The following TAFA2 variants were observed in gnomAD, a reference collection of about 807,000 sequenced individuals.
The protein encoded by TAFA2 is chemokine-like protein TAFA-2.
TAFA2 carries 7 observed loss-of-function variants against 18.8 expected under a neutral mutation model. The observed-to-expected ratio is 0.37, with a 90% confidence interval of 0.21 to 0.70. The LOEUF (loss-of-function observed/expected upper bound fraction) is 0.70, where lower values mean the gene tolerates loss of function less well. Among genes scored for constraint, TAFA2 ranks in the 30% least tolerant of loss-of-function variants. The pLI is 0.53. For synonymous variants in TAFA2, 60 were observed against 54.2 expected (o/e 1.11, Z -0.47); for missense variants, 122 against 158.1 (o/e 0.77, Z 1.23).
chr12:62,240,087 T>A (rs1565786444), intron 1 of TAFA2, among the ~76,000 whole-genome samples: 1 of 150,874 alleles, frequency 6.6e-6, no homozygotes, highest in Non-Finnish European at 1.5e-5. Context: ...TTATCGTACA[T>A]AAATATATAC....
chr12:62,249,826 G>A (rs1381244648), intron 1 of TAFA2, among the ~76,000 whole-genome samples: 4 of 152,112 alleles, frequency 2.6e-5, no homozygotes, highest in Non-Finnish European at 5.9e-5. Context: ...TCTCTAAACA[G>A]GAGATTCAGA....
chr12:62,121,418 A>G (rs566352602), intron 1 of TAFA2, among the ~76,000 whole-genome samples: 2 of 152,200 alleles, frequency 1.3e-5, no homozygotes, highest in East Asian at 1.9e-4. Context: ...CAGTGATTCA[A>G]CTTTACTGAG....
At chr12:62,209,578 A>G (rs1592401885) in intron 1 of TAFA2, among the ~76,000 whole-genome samples, 1 of 152,346 alleles carries the variant, frequency 6.6e-6, no homozygotes, top group South Asian at 2.1e-4. Flanking sequence ...ACCATTCTTA[A>G]GAGGAGCTTA....
At chr12:62,099,731 A>G (rs1177759330) in intron 1 of TAFA2, among the ~76,000 whole-genome samples, 3 of 152,120 alleles carry the variant, frequency 2.0e-5, no homozygotes, top group African/African-American at 7.2e-5. Flanking sequence ...TGCACTTCAC[A>G]TATATGATGT....
intron 1 of TAFA2, among the ~76,000 whole-genome samples, chr12:62,135,089 A>G (rs182979727): frequency 1.3e-5 from 2 of 152,222 alleles, no homozygotes; most frequent in Non-Finnish European, 2.9e-5. Flanking sequence ...CACAAGTACT[A>G]TAATAATTAC....
At chr12:62,190,115 A>G (rs78542629) in intron 1 of TAFA2, among the ~76,000 whole-genome samples, 1,541 of 152,224 alleles carry the variant, frequency 0.01, 21 homozygotes, top group African/African-American at 0.03. Context: ...AAAGGTGAAG[A>G]GAGACTAGCC....
intron 1 of TAFA2, among the ~76,000 whole-genome samples, chr12:61,896,229 A>C (rs1875837408): frequency 6.6e-6 from 1 of 152,218 alleles, no homozygotes; most frequent in African/African-American, 2.4e-5. Context: ...GCCAAAGCTA[A>C]GTATGAGGTT....
intron 1 of TAFA2, among the ~76,000 whole-genome samples, chr12:62,118,355 C>G (rs567530343): frequency 1.3e-5 from 2 of 152,046 alleles, no homozygotes; most frequent in African/African-American, 4.8e-5. Context: ...GAATATACCA[C>G]AGTTTATTCA....
At chr12:61,855,997 C>G (rs1472405337) in intron 2 of TAFA2, among the ~76,000 whole-genome samples, 1 of 151,976 alleles carries the variant, frequency 6.6e-6, no homozygotes, top group East Asian at 1.9e-4. Flanking sequence ...TTAAAAGACA[C>G]AAAGACACAA....
At chr12:61,981,064 A>G (rs927480863) in intron 1 of TAFA2, among the ~76,000 whole-genome samples, 4 of 152,208 alleles carry the variant, frequency 2.6e-5, no homozygotes, top group Non-Finnish European at 5.9e-5. Flanking sequence ...ACTACACTAC[A>G]AGGCTACAGT....
chr12:62,109,666 TGTA>T (rs1222255679), intron 1 of TAFA2, among the ~76,000 whole-genome samples: 1 of 152,236 alleles, frequency 6.6e-6, no homozygotes, highest in Non-Finnish European at 1.5e-5. Flanking sequence ...AGCAATGGTT[TGTA>T]GTTCTCCTCA....
rs182355317 is a variant in TAFA2 at position 61,877,015 on chromosome 12, C to T, written c.-1-9589G>A. 5.5e-4 allele frequency among the ~76,000 whole-genome samples: 83 copies of T among 152,270 alleles called. No individual in the cohort carries two copies. The East Asian group carries it at 0.015, about 28-fold the overall frequency. ...ACATTACTTCATATACTTTAACGAG[C>T]TGTCTTTGAGGGAAAGGTAGAACAT... is the stretch of plus-strand genomic sequence containing the variant. On this transcript the variant is annotated intron_variant, in intron 1 of 4. Transcript: ENST00000416284.
intron 1 of TAFA2, among the ~76,000 whole-genome samples, chr12:62,130,336 C>T (rs1386401969): frequency 1.3e-5 from 2 of 151,702 alleles, no homozygotes; most frequent in Admixed American, 6.6e-5. Flanking sequence ...TATGAAGGAA[C>T]AAATTTTGCA....
intron 1 of TAFA2, among the ~76,000 whole-genome samples, chr12:62,035,203 G>A (rs1161224790): frequency 6.6e-6 from 1 of 152,148 alleles, no homozygotes; most frequent in Non-Finnish European, 1.5e-5. Context: ...CTGATTCATT[G>A]AAGAGAGATT....
At chr12:61,890,204 G>A (rs958487120) in intron 1 of TAFA2, 3 of 152,262 alleles carry the variant, frequency 2.0e-5, no homozygotes, top group African/African-American at 7.2e-5. Context: ...ATCTTCCAGA[G>A]ATAAGGTCAC....
At chr12:62,135,593 A>G (rs938056878) in intron 1 of TAFA2, among the ~76,000 whole-genome samples, 3 of 152,106 alleles carry the variant, frequency 2.0e-5, no homozygotes, top group African/African-American at 7.2e-5. Context: ...AAAAACAGGT[A>G]ATAAAAAATA....
chr12:62,118,625 G>T (rs1384970491), intron 1 of TAFA2, among the ~76,000 whole-genome samples: 1 of 152,012 alleles, frequency 6.6e-6, no homozygotes, highest in Non-Finnish European at 1.5e-5. Flanking sequence ...TCCAATAATT[G>T]ACACTATCAG....
At chr12:61,939,543 A>G (rs1227856428) in intron 1 of TAFA2, among the ~76,000 whole-genome samples, 4 of 152,198 alleles carry the variant, frequency 2.6e-5, no homozygotes, top group African/African-American at 9.7e-5. Flanking sequence ...TCTACCCTTA[A>G]CTACTTGCAT....
intron 1 of TAFA2, among the ~76,000 whole-genome samples, chr12:62,062,376 T>C (rs1882373344): frequency 6.6e-6 from 1 of 152,158 alleles, no homozygotes; most frequent in Non-Finnish European, 1.5e-5. Context: ...CTAATAATAC[T>C]GGAATAGGAG....
Sources: gnomAD v4.1 joint callset for allele counts (sites outside exome capture counted in the v4.1 genomes callset) on GRCh38, gnomAD v4.1.1 for gene constraint, MANE v1.5 for transcripts, NCBI Gene and HGNC (gene_info 2026-07-23, HGNC 2026-07-21) for gene names.